The following PRKAB2 variants were observed in gnomAD, a reference collection of about 807,000 sequenced individuals.
The protein encoded by PRKAB2 is protein kinase AMP-activated non-catalytic subunit beta 2, also known as 5'-AMP-activated protein kinase subunit beta-2.
Under a neutral mutation model 29.8 loss-of-function variants are expected in PRKAB2, and 18 were observed. The ratio of observed to expected loss-of-function variants is 0.60; its 90% CI spans 0.42 to 0.89. The LOEUF is 0.89. Among genes scored for constraint, PRKAB2 ranks in the 40% least tolerant of loss-of-function variants. PRKAB2 has a pLI of 0.00. For missense variants in PRKAB2, 270 were observed against 344.3 expected (o/e 0.78, Z 1.71); for synonymous variants, 136 against 125.9 (o/e 1.08, Z -0.54).
At chr1:147,170,107 A>T (rs3766522) in intron 2 of PRKAB2, among the ~76,000 whole-genome samples, 31,172 of 152,164 alleles carry the variant, frequency 0.2, 3,423 homozygotes, top group South Asian at 0.26. Context: ...CCAGGAAAAG[A>T]GGCAAAACGA....
rs1306208695 is a variant in PRKAB2, at chr1:147,156,174, C to T, written c.*3391G>A. 1 of 152,570 alleles carries T rather than the reference C, an allele frequency of 6.6e-6. No homozygotes were observed. Among genetic ancestry groups the T allele is most frequent in the African/African-American group, 2.4e-5 (1 of 41,416 alleles). The allele number at this position is 152,570 out of a possible 1,614,324, so 9.5% of individuals were successfully genotyped here. A position where few individuals can be genotyped will look rare whatever the true frequency, so the allele number is the denominator to read the frequency against. On this transcript the variant is annotated 3_prime_UTR_variant, in exon 8 of 8. Coordinates refer to ENST00000254101, the MANE Select transcript of PRKAB2 (RefSeq NM_005399.5). ...GCTATTAAGCCCATGCCCCAAATCA[C>T]TAGAACGTGAGAATGTAGAAATCTC...
intron 7 of PRKAB2, chr1:147,160,919 A>G (rs1390419019): frequency 3.9e-5 from 6 of 152,180 alleles, no homozygotes; most frequent in African/African-American, 1.4e-4. Context: ...ATTGTACCAC[A>G]TAGTTTGTTA....
intron 6 of PRKAB2, 101 bp downstream of exon 6, chr1:147,162,339 C>A: frequency 8.0e-7 from 1 of 1,246,076 alleles, no homozygotes; most frequent in Admixed American, 2.4e-5. Context: ...CTTATAATCT[C>A]AACACACCTC....
At position 147,156,442 on chromosome 1, in the gene PRKAB2, A is replaced by G. The variant is rs1553912448; in HGVS notation, c.*3123T>C. 1 of 152,372 alleles carries G rather than the reference A, an allele frequency of 6.6e-6. No homozygotes were observed. Among genetic ancestry groups the G allele is most frequent in the Non-Finnish European group, 1.5e-5 (1 of 68,014 alleles). The allele number at this position is 152,372 out of a possible 1,614,324, so 9.4% of individuals were successfully genotyped here. A position where few individuals can be genotyped will look rare whatever the true frequency, so the allele number is the denominator to read the frequency against. On this transcript the variant is annotated 3_prime_UTR_variant, in exon 8 of 8. Transcript: ENST00000254101. ...TTTTCAAAGTTTTTATCCCAGACCC[A>G]TTAGATCTACAAGATACTAGAAAGA...
chr1:147,169,482 A>T (rs1654411206), intron 2 of PRKAB2, among the ~76,000 whole-genome samples: 3 of 152,196 alleles, frequency 2.0e-5, no homozygotes, highest in Admixed American at 6.5e-5. Context: ...AGATCTGGGA[A>T]CCTATTTTTA....
At chr1:147,162,375 A>T in intron 6 of PRKAB2, 65 bp downstream of exon 6, 3 of 1,471,750 alleles carry the variant, frequency 2.0e-6, no homozygotes, top group Non-Finnish European at 2.8e-6. Context: ...CTCTAGGATT[A>T]CTGAACTTTG....
Position 147,162,549 on chromosome 1 carries a change from G to A in PRKAB2, c.563C>T (p.Pro188Leu), listed in dbSNP as rs901551927. 1 of 1,611,382 alleles carries A rather than the reference G, an allele frequency of 6.2e-7. No individual in the cohort carries two copies. Among genetic ancestry groups the A allele is most frequent in the Non-Finnish European group, 8.5e-7 (1 of 1,178,500 alleles). The change falls in exon 6 of 8, where the codon CCT becomes CTT. Residue 188 changes from proline to leucine, a missense_variant. Coordinates refer to ENST00000254101, the MANE Select transcript of PRKAB2 (RefSeq NM_005399.5). ...CRDLSSSPPG[P>L]YGQEMYAFRS... ...AAACGCATACATTTCTTGACCATAA[G>A]GCCCTGGGGGTGAGCTGGAAAGGTC... is the stretch of plus-strand genomic sequence containing the variant.
In PRKAB2 at chr1:147,159,259, T is replaced by C; in HGVS notation, c.*306A>G. The C allele has an allele frequency of 3.1e-6, 1 of 326,854 alleles. No homozygotes were observed. The highest frequency in any genetic ancestry group is 5.6e-6 in the Non-Finnish European group (1 of 178,396). The allele number at this position is 326,854 out of a possible 1,614,324, so 20.2% of individuals were successfully genotyped here. On this transcript the variant is annotated 3_prime_UTR_variant, in exon 8 of 8. Coordinates refer to ENST00000254101, the MANE Select transcript of PRKAB2 (RefSeq NM_005399.5). ...AAAAATCTTCCTATATAGTTATTCC[T>C]GCAGCGCCCCCAAACAGGTCTTGGT...
chr1:147,166,193 A>G (rs1553913656), intron 5 of PRKAB2, among the ~76,000 whole-genome samples: 1 of 152,192 alleles, frequency 6.6e-6, no homozygotes, highest in African/African-American at 2.4e-5. Flanking sequence ...ATATTACTAG[A>G]AACAGCTTTT....
At chr1:147,172,284 G>A (rs375121064) in intron 1 of PRKAB2, 117 bp from the exon 2 acceptor site, 42 of 1,143,102 alleles carry the variant, frequency 3.7e-5, no homozygotes, top group Middle Eastern at 3.0e-4. Flanking sequence ...CAGGGAAGCC[G>A]AGCCCTGGAG....
At chr1:147,170,595 G>GTTTT (rs782548494) in intron 2 of PRKAB2, among the ~76,000 whole-genome samples, 38 of 151,572 alleles carry the variant, frequency 2.5e-4, no homozygotes, top group South Asian at 1.0e-3. Flanking sequence ...TTGTTTTTTT[G>GTTTT]TTTTTTTGTT....
chr1:147,165,677 C>T (rs1319560647), intron 5 of PRKAB2, among the ~76,000 whole-genome samples: 1 of 150,658 alleles, frequency 6.6e-6, no homozygotes, highest in Admixed American at 6.6e-5. Flanking sequence ...GGCCTTGGCT[C>T]AAATAATATT....
intron 7 of PRKAB2, 69 bp downstream of exon 7, chr1:147,161,643 C>T (rs1191826503): frequency 7.5e-7 from 1 of 1,330,634 alleles, no homozygotes; most frequent in African/African-American, 1.5e-5. Context: ...AAAGTAACCA[C>T]TGAGAACGTA....
chr1:147,167,679 G>A, intron 3 of PRKAB2, 88 bp downstream of exon 3: 1 of 1,451,406 alleles, frequency 6.9e-7, no homozygotes, highest in Non-Finnish European at 9.3e-7. Context: ...CTTAGTAGGT[G>A]GAGAAAAGTC....
intron 5 of PRKAB2, 64 bp from the exon 6 acceptor site, chr1:147,162,637 C>A: frequency 6.8e-7 from 1 of 1,474,116 alleles, no homozygotes; most frequent in African/African-American, 1.4e-5. Flanking sequence ...ATGGAAAAAG[C>A]TATCAATACA....
In PRKAB2 at chr1:147,159,652, A is replaced by G. The variant is rs782763654; in HGVS notation, c.742-10T>C. On this transcript the variant is annotated splice_polypyrimidine_tract_variant and intron_variant, in intron 7 of 7. Coordinates refer to ENST00000254101, the MANE Select transcript of PRKAB2 (RefSeq NM_005399.5). ...GGACCATCACACTGTCCTGCAAGGA[A>G]AAGAAACATACGCAGCTAATTCATT... 1 of 1,612,194 alleles carries G rather than the reference A, an allele frequency of 6.2e-7. No individual in the cohort carries two copies. Among genetic ancestry groups the G allele is most frequent in the Admixed American group, 1.7e-5 (1 of 59,848 alleles).
In PRKAB2 at chr1:147,168,037, G is replaced by A. The variant is rs1654338124; in HGVS notation, c.157-104C>T. ...GAGAAGGGTGCTAGGCTTTGGCTAA[G>A]GATATAAACCCCAAAATTAGCAACT... On this transcript the variant is annotated intron_variant, in intron 2 of 7. Transcript: ENST00000254101. The A allele has an allele frequency of 3.2e-6, 4 of 1,245,664 alleles. No individual in the cohort carries two copies. The Admixed American group carries it at 7.6e-5, about 24-fold the overall frequency. 77.2% of individuals were successfully genotyped at this position (1,245,664 alleles called of 1,614,324 possible).
chr1:147,171,839 T>C, intron 2 of PRKAB2, 150 bp downstream of exon 2: 1 of 1,048,772 alleles, frequency 9.5e-7, no homozygotes, highest in Non-Finnish European at 1.4e-6. Flanking sequence ...AGAGGAATTA[T>C]CATCCAACAC....
intron 4 of PRKAB2, 30 bp from the exon 5 acceptor site, chr1:147,166,648 A>G: frequency 6.2e-7 from 1 of 1,607,032 alleles, no homozygotes. Context: ...AAATTATTGA[A>G]TCTCTCTTTC....
Sources: allele counts gnomAD v4.1 joint callset (sites outside exome capture counted in the v4.1 genomes callset), GRCh38; gene constraint gnomAD v4.1.1; transcripts MANE v1.5; gene names NCBI Gene and HGNC (gene_info 2026-07-23, HGNC 2026-07-21).